Variants in CSE1L observed in about 807,000 individuals in gnomAD.
The protein encoded by CSE1L is chromosome segregation 1 like.
A neutral mutation model predicts 120.4 loss-of-function variants in CSE1L; 24 were observed. That is an observed-to-expected ratio of 0.20 (90% CI 0.14 to 0.28). CSE1L has a LOEUF of 0.28. CSE1L is among the 10% of genes least tolerant of loss of function. CSE1L has a pLI of 1.00. For missense variants in CSE1L, 830 were observed against 1,145.2 expected, an observed-to-expected ratio of 0.72 and a Z score of 3.97; for synonymous variants, 402 against 398.3, an observed-to-expected ratio of 1.01 and a Z score of -0.11.
chr20:49,055,722 A>G (rs1031792614), intron 1 of CSE1L, among the ~76,000 whole-genome samples: 1 of 152,138 alleles, frequency 6.6e-6, no homozygotes, highest in Non-Finnish European at 1.5e-5. Flanking sequence ...CTGTCTGAAA[A>G]AATAATAAAA....
intron 13 of CSE1L, among the ~76,000 whole-genome samples, chr20:49,078,104 T>A (rs2091983231): frequency 6.6e-6 from 1 of 152,236 alleles, no homozygotes; most frequent in Non-Finnish European, 1.5e-5. Context: ...AGGAAATTTA[T>A]GTACACCCAA....
At chr20:49,072,731 A>G (rs373292521) in intron 10 of CSE1L, 34 bp downstream of exon 10, 8 of 1,557,228 alleles carry the variant, frequency 5.1e-6, no homozygotes, top group East Asian at 2.3e-5. Flanking sequence ...GTATAAATCT[A>G]CTAAGTCTGT....
intron 6 of CSE1L, 134 bp from the exon 7 acceptor site, chr20:49,068,581 A>G: frequency 1.7e-6 from 1 of 602,968 alleles, no homozygotes; most frequent in Non-Finnish European, 2.9e-6. Context: ...CCTGGACGAC[A>G]GAGCAAGACT....
chr20:49,095,175 GGA>G, intron 24 of CSE1L: 2 of 672,828 alleles, frequency 3.0e-6, no homozygotes, highest in Non-Finnish European at 5.4e-6. Context: ...AATGGATTTA[GGA>G]GTGAGAACAA....
chr20:49,096,685 G>A lies in CSE1L; in HGVS notation c.*247G>A, dbSNP rs2092143957. On this transcript the variant is annotated 3_prime_UTR_variant, in exon 25 of 25. Coordinates refer to ENST00000262982, the MANE Select transcript of CSE1L (RefSeq NM_001316.4). ...ACAAGTATTAATAGTTCAGTGTATG[G>A]CGTTGGTTTGTGTTGAGCGTTTGCA... 1.9e-6 allele frequency: 1 copy of A among 521,668 alleles called. No homozygotes were observed. The highest frequency in any genetic ancestry group is 3.2e-5 in the East Asian group (1 of 30,890). The allele number at this position is 521,668 out of a possible 1,614,324, so 32.3% of individuals were successfully genotyped here. A position where few individuals can be genotyped will look rare whatever the true frequency, so the allele number is the denominator to read the frequency against.
chr20:49,085,744 G>C (rs907360008), intron 16 of CSE1L, among the ~76,000 whole-genome samples: 1 of 151,132 alleles, frequency 6.6e-6, no homozygotes, highest in Admixed American at 6.6e-5. Context: ...GTTAATTTTT[G>C]TATTTTTAGT....
At chr20:49,074,871 G>A (rs1298326121) in intron 11 of CSE1L, 21 bp downstream of exon 11, 2 of 1,591,562 alleles carry the variant, frequency 1.3e-6, no homozygotes, top group Non-Finnish European at 1.7e-6. Flanking sequence ...TGGTTTTTTA[G>A]TTACTAGTCT....
chr20:49,079,901 G>C (rs566964811), intron 14 of CSE1L, among the ~76,000 whole-genome samples: 2 of 152,170 alleles, frequency 1.3e-5, no homozygotes, highest in East Asian at 1.9e-4. Flanking sequence ...CCAACATGAC[G>C]AAACCCCATC....
chr20:49,061,167 A>AT (rs3092068), intron 2 of CSE1L, among the ~76,000 whole-genome samples: 14,849 of 116,424 alleles, frequency 0.13, 1,383 homozygotes, highest in African/African-American at 0.28. Context: ...ACTATTAAAA[A>AT]TTTTTTTTTT....
intron 11 of CSE1L, 81 bp from the exon 12 acceptor site, chr20:49,075,237 C>T: frequency 1.7e-6 from 2 of 1,146,516 alleles, no homozygotes; most frequent in East Asian, 2.4e-5. Context: ...TTATTCCAGG[C>T]AATTTGTTTT....
intron 1 of CSE1L, 76 bp from the exon 2 acceptor site, chr20:49,058,377 T>C: frequency 9.4e-7 from 1 of 1,067,130 alleles, no homozygotes; most frequent in Non-Finnish European, 1.4e-6. Flanking sequence ...TAACCCATAA[T>C]ATAAACGGAT....
intron 3 of CSE1L, among the ~76,000 whole-genome samples, chr20:49,065,389 C>G (rs529726763): frequency 8.6e-6 from 1 of 115,712 alleles, no homozygotes; most frequent in South Asian, 3.0e-4. Flanking sequence ...ATGGTGCGAT[C>G]TTGGCTCATT....
At chr20:49,050,782 C>T (rs1361140723) in intron 1 of CSE1L, among the ~76,000 whole-genome samples, 5 of 151,922 alleles carry the variant, frequency 3.3e-5, no homozygotes, top group African/African-American at 7.2e-5. Flanking sequence ...TGGTCTTGAA[C>T]GGTCCTTGGG....
intron 12 of CSE1L, among the ~76,000 whole-genome samples, 194 bp from the exon 13 acceptor site, chr20:49,076,786 C>G (rs1015770460): frequency 6.6e-6 from 1 of 152,076 alleles, no homozygotes; most frequent in African/African-American, 2.4e-5. Flanking sequence ...CCGCCTCGGC[C>G]TCCCAAAGTG....
Position 49,096,563 on chromosome 20 carries a change from G to T in CSE1L, c.*125G>T. The T allele has an allele frequency of 1.4e-6, 1 of 729,432 alleles. No homozygotes were observed. The highest frequency in any genetic ancestry group is 1.7e-5 in the South Asian group (1 of 58,228). 45.2% of individuals were successfully genotyped at this position (729,432 alleles called of 1,614,324 possible). On this transcript the variant is annotated 3_prime_UTR_variant, in exon 25 of 25. Coordinates refer to ENST00000262982, the MANE Select transcript of CSE1L (RefSeq NM_001316.4). Reference sequence around the variant, plus strand: ...TTGTCACGAATTCCATCTTGTAAAGGATATTAAATGTTGCTTTAACCTGAA... The same window carrying T: ...TTGTCACGAATTCCATCTTGTAAAGTATATTAAATGTTGCTTTAACCTGAA...
intron 10 of CSE1L, among the ~76,000 whole-genome samples, chr20:49,073,305 G>T (rs529926360): frequency 6.6e-6 from 1 of 152,042 alleles, no homozygotes; most frequent in Non-Finnish European, 1.5e-5. Context: ...GAGCCACCTC[G>T]CCCAGAAATA....
At position 49,062,607 on chromosome 20, in the gene CSE1L, TTC is replaced by T. The variant is rs753642142; in HGVS notation, c.86-594_86-593del. Among the ~76,000 whole-genome samples the T allele has an allele frequency of 9.9e-5, 15 of 152,200 alleles. 1 individual carries two copies. The highest frequency in any genetic ancestry group is 8.3e-4 in the South Asian group (4 of 4,812). On this transcript the variant is annotated intron_variant, in intron 2 of 24. Transcript: ENST00000262982. ...GTAAAATAAGGACTGCACTAAAACTTTCAGTAGTGAAGCCTAGCTGTGTGATC... is the reference window on the plus strand; with the variant it reads ...GTAAAATAAGGACTGCACTAAAACTTAGTAGTGAAGCCTAGCTGTGTGATC...
At chr20:49,077,602 C>T (rs1000790749) in intron 13 of CSE1L, among the ~76,000 whole-genome samples, 1 of 152,126 alleles carries the variant, frequency 6.6e-6, no homozygotes, top group Non-Finnish European at 1.5e-5. Context: ...GCTTTGCTAC[C>T]TAGTGTATAA....
At chr20:49,063,904 A>G (rs781630046) in intron 3 of CSE1L, among the ~76,000 whole-genome samples, 3 of 152,234 alleles carry the variant, frequency 2.0e-5, no homozygotes, top group Non-Finnish European at 2.9e-5. Context: ...GGATATGTAT[A>G]TATATACTAA....
Sources: allele counts gnomAD v4.1 joint callset (sites outside exome capture counted in the v4.1 genomes callset), GRCh38; gene constraint gnomAD v4.1.1; transcripts MANE v1.5; gene names NCBI Gene and HGNC (gene_info 2026-07-23, HGNC 2026-07-21).